LRRC52: variants seen among roughly 807,000 people sequenced by gnomAD.
LRRC52 encodes leucine-rich repeat-containing protein 52.
LRRC52 carries 15 observed loss-of-function variants against 14.7 expected under a neutral mutation model. The observed-to-expected ratio is 1.02, with a 90% CI of 0.68 to 1.58. The LOEUF (loss-of-function observed/expected upper bound fraction) is 1.58. Ranked by LOEUF, LRRC52 falls within the 40% of genes most tolerant of loss-of-function variation. LRRC52 has a pLI of 0.00. For missense variants in LRRC52, 400 were observed against 387.7 expected (o/e 1.03, Z -0.27); for synonymous variants, 180 against 163.9 (o/e 1.10, Z -0.75).
At chr1:165,546,990 C>T (rs186965610) in intron 1 of LRRC52, among the ~76,000 whole-genome samples, 6 of 152,228 alleles carry the variant, frequency 3.9e-5, no homozygotes, top group Admixed American at 2.6e-4. Context: ...ACCCCACACA[C>T]GTACCCACAA....
At chr1:165,554,357 G>A (rs1013489152) in intron 1 of LRRC52, among the ~76,000 whole-genome samples, 6 of 152,118 alleles carry the variant, frequency 3.9e-5, no homozygotes, top group African/African-American at 9.7e-5. Context: ...TGAGGGGGAC[G>A]TTAAAGCTTC....
At chr1:165,561,229 G>T (rs372622751) in intron 1 of LRRC52, among the ~76,000 whole-genome samples, 1 of 152,190 alleles carries the variant, frequency 6.6e-6, no homozygotes, top group Non-Finnish European at 1.5e-5. Context: ...ATGGGGAAAC[G>T]TGTGTGATGT....
chr1:165,552,584 A>G (rs142569788), intron 1 of LRRC52, among the ~76,000 whole-genome samples: 1 of 152,350 alleles, frequency 6.6e-6, no homozygotes, highest in East Asian at 1.9e-4. Flanking sequence ...AGTGAGGAGG[A>G]GAGGTGTAGA....
In LRRC52 at chr1:165,563,511, T is replaced by C. The variant is rs771357003; in HGVS notation, c.629T>C (p.Leu210Pro). Residue 210 changes from leucine (L) to proline (P), a missense_variant, in exon 2 of 2, where the codon CTA (leucine) becomes CCA (proline). Leu to Pro is a moderately conservative substitution (Grantham distance 98, BLOSUM62 -3). Coordinates refer to ENST00000294818, the MANE Select transcript of LRRC52 (RefSeq NM_001005214.4). ...IVFHMDPSDD[L>P]NATCVEPTEL... ...GCTGTGTTTTTCTTCTTAGATGATC[T>C]AAATGCCACATGTGTGGAGCCCACA... is the stretch of plus-strand genomic sequence containing the variant. The C allele has an allele frequency of 6.2e-7, 1 of 1,611,516 alleles. No homozygotes were observed. The highest frequency in any genetic ancestry group is 1.1e-5 in the South Asian group (1 of 90,774).
intron 1 of LRRC52, among the ~76,000 whole-genome samples, chr1:165,558,356 G>C (rs1429921827): frequency 6.6e-6 from 1 of 152,236 alleles, no homozygotes; most frequent in Non-Finnish European, 1.5e-5. Flanking sequence ...AGCTCCTGGA[G>C]TTGTGCAGTG....
At chr1:165,551,315 C>T (rs958746427) in intron 1 of LRRC52, among the ~76,000 whole-genome samples, 8 of 152,238 alleles carry the variant, frequency 5.3e-5, no homozygotes, top group African/African-American at 1.7e-4. Context: ...GGTTCTGATT[C>T]AGTCAACTCT....
Position 165,563,863 on chromosome 1 carries a change from C to G in LRRC52, c.*39C>G. 6.3e-7 allele frequency: 1 copy of G among 1,585,356 alleles called. No individual in the cohort carries two copies. Among genetic ancestry groups the G allele is most frequent in the Non-Finnish European group, 8.6e-7 (1 of 1,161,902 alleles). On this transcript the variant is annotated 3_prime_UTR_variant, in exon 2 of 2. Transcript: ENST00000294818. ...CTATCTTATGTGCCTCCCCCAGGCTCCCTGCTTTCTCTCTTGCCCTCCCCA... is the reference window on the plus strand; with the variant it reads ...CTATCTTATGTGCCTCCCCCAGGCTGCCTGCTTTCTCTCTTGCCCTCCCCA...
At position 165,544,438 on chromosome 1, in the gene LRRC52, C is replaced by T. The variant is rs1470209726; in HGVS notation, c.142C>T (p.Pro48Ser). Reference sequence around the variant, plus strand: ...CACAGGGAAGCAGTTAACCGAATACCCCCTTGACATACCCCTGAACACCCG... The same window carrying T: ...CACAGGGAAGCAGTTAACCGAATACTCCCTTGACATACCCCTGAACACCCG... The part of the protein sequence containing the change: ...ICTGKQLTEY[P>S]LDIPLNTRRL... Residue 48 changes from proline to serine, a missense_variant, in exon 1 of 2, where the codon CCC becomes TCC. Transcript: ENST00000294818. The T allele has an allele frequency of 6.2e-7, 1 of 1,614,074 alleles. No individual in the cohort carries two copies.
At position 165,552,338 on chromosome 1, in the gene LRRC52, A is replaced by G. The variant is rs188090702; in HGVS notation, c.622+7420A>G. Among the ~76,000 whole-genome samples, 9 of 152,310 alleles carry G rather than the reference A, an allele frequency of 5.9e-5. No individual in the cohort carries two copies. The East Asian group carries it at 1.7e-3, about 29-fold the overall frequency. ...AGTTCAAGTCTGGCTAAAGCAGCCA[A>G]CCTCAGTTTGCTCATCTTTAAAGGT... is the stretch of plus-strand genomic sequence containing the variant. On this transcript the variant is annotated intron_variant, in intron 1 of 1. Coordinates refer to ENST00000294818, the MANE Select transcript of LRRC52 (RefSeq NM_001005214.4).
chr1:165,549,179 A>C (rs1390747527), intron 1 of LRRC52, among the ~76,000 whole-genome samples: 1 of 152,160 alleles, frequency 6.6e-6, no homozygotes, highest in African/African-American at 2.4e-5. Context: ...TCAAATCAAG[A>C]CTTTGTCTCA....
At chr1:165,550,947 G>C (rs893693966) in intron 1 of LRRC52, among the ~76,000 whole-genome samples, 1 of 152,102 alleles carries the variant, frequency 6.6e-6, no homozygotes, top group African/African-American at 2.4e-5. Context: ...ATCCTCAAAG[G>C]CCTCCTATAG....
At chr1:165,552,146 C>T (rs878995669) in intron 1 of LRRC52, among the ~76,000 whole-genome samples, 1 of 152,080 alleles carries the variant, frequency 6.6e-6, no homozygotes, top group East Asian at 1.9e-4. Context: ...GAGCAGCAAG[C>T]ATGGGACATT....
At chr1:165,550,929 G>A (rs1661117606) in intron 1 of LRRC52, among the ~76,000 whole-genome samples, 1 of 152,124 alleles carries the variant, frequency 6.6e-6, no homozygotes, top group South Asian at 2.1e-4. Flanking sequence ...AAAGGATTTG[G>A]GTTAGAGATC....
At chr1:165,554,255 G>A (rs1480593580) in intron 1 of LRRC52, among the ~76,000 whole-genome samples, 3 of 152,110 alleles carry the variant, frequency 2.0e-5, no homozygotes, top group Non-Finnish European at 4.4e-5. Context: ...AGTGTCACAC[G>A]AGATGCAGAG....
At chr1:165,547,136 T>G (rs185582964) in intron 1 of LRRC52, among the ~76,000 whole-genome samples, 37 of 152,258 alleles carry the variant, frequency 2.4e-4, no homozygotes, top group African/African-American at 8.9e-4. Flanking sequence ...AACCCTATCC[T>G]TGGATGAGAA....
Position 165,554,426 on chromosome 1 carries a change from G to GGTT in LRRC52, c.623-9054_623-9052dup, listed in dbSNP as rs140256565. ...GCATGACCCATATGCAATGATAGGT[G>GGTT]GTTGTTGTTGTTGTTGTTGTTGTTG... On this transcript the variant is annotated intron_variant, in intron 1 of 1. Transcript: ENST00000294818. Among the ~76,000 whole-genome samples the GGTT allele has an allele frequency of 2.4e-3, 358 of 150,450 alleles. 3 individuals carry two copies. Among genetic ancestry groups the GGTT allele is most frequent in the African/African-American group, 5.3e-3 (217 of 41,040 alleles).
intron 1 of LRRC52, among the ~76,000 whole-genome samples, chr1:165,547,617 C>T (rs1344550222): frequency 1.3e-5 from 2 of 152,216 alleles, no homozygotes; most frequent in African/African-American, 4.8e-5. Flanking sequence ...AACACAAATA[C>T]CTACACACAC....
intron 1 of LRRC52, among the ~76,000 whole-genome samples, chr1:165,557,440 C>T (rs1222352611): frequency 2.6e-5 from 4 of 152,218 alleles, no homozygotes; most frequent in African/African-American, 7.2e-5. Context: ...CTGAGCATTA[C>T]GTCAGGGACA....
intron 1 of LRRC52, among the ~76,000 whole-genome samples, chr1:165,551,125 AAC>A (rs2101826605): frequency 6.6e-6 from 1 of 152,276 alleles, no homozygotes; most frequent in East Asian, 1.9e-4. Flanking sequence ...TCATTTAAGA[AAC>A]AGATGCCTCT....
Sources: gnomAD v4.1 joint callset for allele counts (sites outside exome capture counted in the v4.1 genomes callset) on GRCh38, gnomAD v4.1.1 for gene constraint, MANE v1.5 for transcripts, NCBI Gene and HGNC (gene_info 2026-07-23, HGNC 2026-07-21) for gene names.